The following PPP2R2B variants were observed in gnomAD, a reference collection of about 807,000 sequenced individuals.
The protein encoded by PPP2R2B is serine/threonine-protein phosphatase 2A 55 kDa regulatory subunit B beta isoform.
A neutral mutation model predicts 46.0 loss-of-function variants in PPP2R2B; 5 were observed. That is an observed-to-expected ratio of 0.11 (90% CI 0.06 to 0.23). The LOEUF (loss-of-function observed/expected upper bound fraction) is 0.23. Ranked by LOEUF, PPP2R2B falls within the 10% of genes least tolerant of loss-of-function variation. The probability of loss-of-function intolerance (pLI) is 1.00; values close to 1 mark genes in which losing one functional copy is unlikely to be tolerated. For missense variants in PPP2R2B, 367 were observed against 575.0 expected (o/e 0.64, Z 3.70); for synonymous variants, 215 against 206.7 (o/e 1.04, Z -0.34).
intron 1 of PPP2R2B, among the ~76,000 whole-genome samples, chr5:146,965,660 G>A (rs1486256589): frequency 1.3e-5 from 2 of 152,282 alleles, no homozygotes; most frequent in Non-Finnish European, 2.9e-5. Flanking sequence ...GGTGAGTGCT[G>A]CATAAATCCT....
At chr5:146,706,073 C>G (rs566047573) in intron 2 of PPP2R2B, among the ~76,000 whole-genome samples, 1 of 152,124 alleles carries the variant, frequency 6.6e-6, no homozygotes, top group Admixed American at 6.5e-5. Flanking sequence ...TGAACTCCCC[C>G]GCGGGTGGGC....
chr5:147,065,894 ACAAG>A (rs1170404997), intron 2 of PPP2R2B, among the ~76,000 whole-genome samples: 8 of 152,082 alleles, frequency 5.3e-5, no homozygotes, highest in Admixed American at 4.6e-4. Flanking sequence ...CTAAATGCCA[ACAAG>A]CATTATCTCC....
At chr5:146,685,318 A>G (rs1359942599) in intron 5 of PPP2R2B, among the ~76,000 whole-genome samples, 1 of 152,232 alleles carries the variant, frequency 6.6e-6, no homozygotes, top group South Asian at 2.1e-4. Flanking sequence ...GCCTCTGTTT[A>G]TACATCTCTA....
chr5:147,009,034 C>A (rs540560714), intron 1 of PPP2R2B, among the ~76,000 whole-genome samples: 1 of 152,198 alleles, frequency 6.6e-6, no homozygotes, highest in South Asian at 2.1e-4. Context: ...AAAATGATCA[C>A]CATAAAATCC....
intron 2 of PPP2R2B, among the ~76,000 whole-genome samples, chr5:146,771,628 T>C (rs1240273180): frequency 1.3e-5 from 2 of 152,220 alleles, no homozygotes; most frequent in African/African-American, 4.8e-5. Context: ...CCTGCCCTTC[T>C]TGAACAATAA....
chr5:146,625,126 CTCTT>C (rs1333715501), intron 7 of PPP2R2B, among the ~76,000 whole-genome samples: 2 of 152,336 alleles, frequency 1.3e-5, no homozygotes, highest in South Asian at 2.1e-4. Flanking sequence ...TCATGGACTT[CTCTT>C]TCTTTTACTT....
At chr5:146,978,597 G>A (rs963256294) in intron 1 of PPP2R2B, among the ~76,000 whole-genome samples, 5 of 152,276 alleles carry the variant, frequency 3.3e-5, no homozygotes, top group African/African-American at 1.2e-4. Flanking sequence ...TGGCTAGACA[G>A]TTTTCCTAAC....
At chr5:146,801,108 A>G (rs1199798419) in intron 2 of PPP2R2B, among the ~76,000 whole-genome samples, 2 of 152,172 alleles carry the variant, frequency 1.3e-5, no homozygotes, top group Non-Finnish European at 2.9e-5. Flanking sequence ...GATCTCACTT[A>G]TATGTGGAAT....
At chr5:146,893,432 C>T (rs1375806841) in intron 1 of PPP2R2B, among the ~76,000 whole-genome samples, 1 of 152,140 alleles carries the variant, frequency 6.6e-6, no homozygotes, top group Non-Finnish European at 1.5e-5. Flanking sequence ...CTGCCCCATT[C>T]CAGAAACACA....
chr5:146,673,285 TAAG>T lies in PPP2R2B; in HGVS notation c.447+17840_447+17842del, dbSNP rs1561820734. On this transcript the variant is annotated intron_variant, in intron 5 of 9. Transcript: ENST00000394411. ...GATTTTTATAGGAAAGCAGTCCAAT[TAAG>T]AGGAAAATTTCTGTAAAGTAAGTAC... is the stretch of plus-strand genomic sequence containing the variant. Among the ~76,000 whole-genome samples, 9 of 127,794 alleles carry T rather than the reference TAAG, an allele frequency of 7.0e-5. No homozygotes were observed. In the South Asian group the frequency reaches 8.9e-4, roughly 13 times the overall value. The allele number at this position is 127,794 out of a possible 152,430, so 83.8% of individuals were successfully genotyped here. A position where few individuals can be genotyped will look rare whatever the true frequency, so the allele number is the denominator to read the frequency against.
At chr5:146,696,636 G>A (rs1274068087) in intron 4 of PPP2R2B, among the ~76,000 whole-genome samples, 1 of 152,140 alleles carries the variant, frequency 6.6e-6, no homozygotes, top group Non-Finnish European at 1.5e-5. Flanking sequence ...TGGCTTCCAA[G>A]AAATCAGGAT....
intron 1 of PPP2R2B, among the ~76,000 whole-genome samples, chr5:146,991,114 C>T (rs1237640677): frequency 6.6e-6 from 1 of 152,048 alleles, no homozygotes; most frequent in Non-Finnish European, 1.5e-5. Flanking sequence ...TTCTTGTACA[C>T]TCTTCGTAGG....
chr5:147,007,166 G>T (rs1754477579), intron 1 of PPP2R2B, among the ~76,000 whole-genome samples: 1 of 152,232 alleles, frequency 6.6e-6, no homozygotes, highest in African/African-American at 2.4e-5. Context: ...GACCTAAAGA[G>T]TTCCCATCCG....
At chr5:146,951,019 A>C (rs1764635448) in intron 1 of PPP2R2B, among the ~76,000 whole-genome samples, 1 of 151,972 alleles carries the variant, frequency 6.6e-6, no homozygotes, top group South Asian at 2.1e-4. Context: ...CAAGCATCTA[A>C]ATTTGAGATT....
intron 1 of PPP2R2B, among the ~76,000 whole-genome samples, chr5:146,937,920 C>T (rs1263504672): frequency 6.6e-6 from 1 of 152,128 alleles, no homozygotes; most frequent in Admixed American, 6.6e-5. Flanking sequence ...AAGTTTTTCT[C>T]AGCACTGTCA....
chr5:146,897,223 G>A (rs1762674040), intron 1 of PPP2R2B, among the ~76,000 whole-genome samples: 1 of 152,188 alleles, frequency 6.6e-6, no homozygotes, highest in African/African-American at 2.4e-5. Flanking sequence ...CAAAAACCTA[G>A]AGAGAGTTAG....
chr5:147,079,673 G>GGTTA (rs1330149372), intron 2 of PPP2R2B, among the ~76,000 whole-genome samples: 1 of 151,740 alleles, frequency 6.6e-6, no homozygotes, highest in African/African-American at 2.4e-5. Context: ...AGTGAATAGT[G>GGTTA]GTTACCAGAG....
intron 9 of PPP2R2B, among the ~76,000 whole-genome samples, chr5:146,590,890 G>A (rs557805509): frequency 2.0e-5 from 3 of 152,254 alleles, no homozygotes; most frequent in African/African-American, 7.2e-5. Context: ...AATCTGGGAT[G>A]GAGAAATAAA....
At chr5:146,940,390 G>T (rs909548728) in intron 1 of PPP2R2B, among the ~76,000 whole-genome samples, 6 of 152,040 alleles carry the variant, frequency 3.9e-5, no homozygotes, top group African/African-American at 1.4e-4. Flanking sequence ...AGAGAAAGGA[G>T]AATTTTTCTC....
Sources: gnomAD v4.1 joint callset for allele counts (sites outside exome capture counted in the v4.1 genomes callset) on GRCh38, gnomAD v4.1.1 for gene constraint, MANE v1.5 for transcripts, NCBI Gene and HGNC (gene_info 2026-07-23, HGNC 2026-07-21) for gene names.